Variants in TNF observed in about 807,000 individuals in gnomAD.
The protein encoded by TNF is APC1 protein.
A neutral mutation model predicts 21.8 loss-of-function variants in TNF; 7 were observed. The ratio of observed to expected loss-of-function variants is 0.32; its 90% CI spans 0.18 to 0.60. TNF has a LOEUF of 0.60. Ranked by LOEUF, TNF falls within the 20% of genes least tolerant of loss-of-function variation. The pLI, the probability that TNF is intolerant of heterozygous loss-of-function variation, is 0.84. For missense variants in TNF, 216 were observed against 296.6 expected, an observed-to-expected ratio of 0.73 and a Z score of 2.00; for synonymous variants, 123 against 130.2, an observed-to-expected ratio of 0.94 and a Z score of 0.38.
intron 1 of TNF, 105 bp from the exon 2 acceptor site, chr6:31,576,429 A>T: frequency 8.8e-7 from 1 of 1,132,366 alleles, no homozygotes; most frequent in Non-Finnish European, 1.3e-6. Flanking sequence ...TGGAGAGAGA[A>T]AACCAGACAC....
At chr6:31,576,078 A>G (rs1411068264) in intron 1 of TNF, 151 bp downstream of exon 1, 14 of 807,232 alleles carry the variant, frequency 1.7e-5, no homozygotes, top group Middle Eastern at 7.8e-4. Flanking sequence ...GCAGAAAGAG[A>G]TGTGGCAAGA....
intron 3 of TNF, 90 bp downstream of exon 3, chr6:31,576,904 T>C: frequency 2.0e-6 from 3 of 1,512,182 alleles, no homozygotes; most frequent in East Asian, 2.3e-5. Context: ...TTGGAGACAA[T>C]GTGAGAAGGA....
rs941582023 is a variant in TNF, at chr6:31,577,045, G to C, written c.281-71G>C. The C allele has an allele frequency of 2.0e-6, 3 of 1,534,992 alleles. No individual in the cohort carries two copies. The highest frequency in any genetic ancestry group is 2.5e-5 in the South Asian group (2 of 80,826). ...ACCGGATGTGGGGTGGGCAGAGCTC[G>C]AGGGCCAGGATGTGGAGAGTGAACC... On this transcript the variant is annotated intron_variant, in intron 3 of 3. Transcript: ENST00000449264. The surrounding 1 kb of genome is among the most constrained non-coding windows in gnomAD (Gnocchi z 7.7).
chr6:31,577,528 T>G lies in TNF; in HGVS notation c.693T>G (p.Ile231Met). 6.2e-7 allele frequency: 1 copy of G among 1,613,088 alleles called. No individual in the cohort carries two copies. Among genetic ancestry groups the G allele is most frequent in the Non-Finnish European group, 8.5e-7 (1 of 1,180,040 alleles). ...AESGQVYFGI[I>M]AL The stretch of plus-strand genomic sequence containing the variant: ...CTGGGCAGGTCTACTTTGGGATCAT[T>G]GCCCTGTGAGGAGGACGAACATCCA... The change falls in exon 4 of 4, where the codon ATT becomes ATG. Residue 231 changes from isoleucine to methionine, a missense_variant. By Grantham distance (10) the Ile-to-Met change is conservative (BLOSUM62 1). This residue lies in a region of TNF where 98 missense variants were observed against 169.6 expected (regional missense o/e 0.58). Coordinates refer to ENST00000449264, the MANE Select transcript of TNF (RefSeq NM_000594.4). The surrounding 1 kb of genome is among the most constrained non-coding windows in gnomAD (Gnocchi z 7.7).
In TNF at chr6:31,575,978, G is replaced by T; in HGVS notation, c.186+51G>T. 1 of 1,433,424 alleles carries T rather than the reference G, an allele frequency of 7.0e-7. No homozygotes were observed. The highest frequency in any genetic ancestry group is 2.6e-5 in the East Asian group (1 of 38,464). The allele number at this position is 1,433,424 out of a possible 1,614,324, so 88.8% of individuals were successfully genotyped here. ...ACTCTCCCACCCAAGGGGAAATGGA[G>T]ACGCAAGAGAGGGAGAGAGATGGGA... On this transcript the variant is annotated intron_variant, in intron 1 of 3. Transcript: ENST00000449264. The surrounding 1 kb of genome is among the most constrained non-coding windows in gnomAD (Gnocchi z 6.2).
intron 1 of TNF, among the ~76,000 whole-genome samples, chr6:31,576,296 G>A (rs1771178966): frequency 6.6e-6 from 1 of 152,056 alleles, no homozygotes. Context: ...GAAAGAGCGG[G>A]AAATATGACA....
chr6:31,577,944 C>T lies in TNF; in HGVS notation c.*407C>T, dbSNP rs888952488. 5.4e-5 allele frequency: 11 copies of T among 202,628 alleles called. No homozygotes were observed. Among genetic ancestry groups the T allele is most frequent in the African/African-American group, 1.6e-4 (7 of 43,178 alleles). 12.6% of individuals were successfully genotyped at this position (202,628 alleles called of 1,614,324 possible). ...GATGTTTCCAGACTTCCTTGAGACA[C>T]GGAGCCCAGCCCTCCCCATGGAGCC... is the stretch of plus-strand genomic sequence containing the variant. On this transcript the variant is annotated 3_prime_UTR_variant, in exon 4 of 4. Coordinates refer to ENST00000449264, the MANE Select transcript of TNF (RefSeq NM_000594.4). The surrounding 1 kb of genome is among the most constrained non-coding windows in gnomAD (Gnocchi z 7.7).
chr6:31,576,876 G>A, intron 3 of TNF, 62 bp downstream of exon 3: 1 of 1,579,200 alleles, frequency 6.3e-7, no homozygotes, highest in Non-Finnish European at 8.7e-7. Flanking sequence ...TTGAAGCCCG[G>A]CTGATGGTAG....
At position 31,577,130 on chromosome 6, in the gene TNF, G is replaced by A; in HGVS notation, c.295G>A (p.Glu99Lys). ...CCTCCCTCCAGCAAACCCTCAAGCT[G>A]AGGGGCAGCTCCAGTGGCTGAACCG... ...VAHVVANPQA[E>K]GQLQWLNRRA... is the part of the protein sequence containing the mutation. The change falls in exon 4 of 4, where the codon GAG becomes AAG. Residue 99 changes from glutamate to lysine, a missense_variant. Physicochemically the swap from Glu to Lys is moderately conservative, Grantham distance 56 (BLOSUM62 1). This residue lies in a region of TNF where 118 missense variants were observed against 127.1 expected (regional missense o/e 0.93). Coordinates refer to ENST00000449264, the MANE Select transcript of TNF (RefSeq NM_000594.4). This position sits in a 1 kb window ranked among gnomAD's most constrained non-coding sequence, Gnocchi z 7.7. 6.2e-7 allele frequency: 1 copy of A among 1,608,420 alleles called. No homozygotes were observed. Among genetic ancestry groups the A allele is most frequent in the Non-Finnish European group, 8.5e-7 (1 of 1,177,514 alleles).
At chr6:31,576,025 T>G in intron 1 of TNF, 98 bp downstream of exon 1, 1 of 1,269,816 alleles carries the variant, frequency 7.9e-7, no homozygotes, top group Non-Finnish European at 1.0e-6. Flanking sequence ...TGTGCGCTGA[T>G]AGGGAGGGAT....
At position 31,577,592 on chromosome 6, in the gene TNF, A is replaced by AC; in HGVS notation, c.*60dup. 6.2e-7 allele frequency: 1 copy of AC among 1,601,108 alleles called. No individual in the cohort carries two copies. The highest frequency in any genetic ancestry group is 8.5e-7 in the Non-Finnish European group (1 of 1,171,298). Reference sequence around the variant, plus strand: ...CCTCCCCTGCCCCAATCCCTTTATTACCCCCTCCTTCAGACACCCTCAACC... The same window carrying AC: ...CCTCCCCTGCCCCAATCCCTTTATTACCCCCCTCCTTCAGACACCCTCAACC... On this transcript the variant is annotated 3_prime_UTR_variant, in exon 4 of 4. Coordinates refer to ENST00000449264, the MANE Select transcript of TNF (RefSeq NM_000594.4). This position sits in a 1 kb window ranked among gnomAD's most constrained non-coding sequence, Gnocchi z 7.7.
In TNF at chr6:31,576,546, C is replaced by T; in HGVS notation, c.199C>T (p.Leu67Phe). The change falls in exon 2 of 4, where the codon CTC becomes TTC. Residue 67 changes from leucine to phenylalanine, a missense_variant. This residue lies in a region of TNF where 118 missense variants were observed against 127.1 expected (regional missense o/e 0.93). Coordinates refer to ENST00000449264, the MANE Select transcript of TNF (RefSeq NM_000594.4). ...GPQREEFPRD[L>F]SLISPLAQAV... Reference sequence around the variant, plus strand: ...TTCTCCCCAACAGTTCCCCAGGGACCTCTCTCTAATCAGCCCTCTGGCCCA... The same window carrying T: ...TTCTCCCCAACAGTTCCCCAGGGACTTCTCTCTAATCAGCCCTCTGGCCCA... 6.2e-7 allele frequency: 1 copy of T among 1,613,896 alleles called. No homozygotes were observed. Among genetic ancestry groups the T allele is most frequent in the Non-Finnish European group, 8.5e-7 (1 of 1,179,980 alleles).
At position 31,577,548 on chromosome 6, in the gene TNF, C is replaced by T. The variant is rs777492465; in HGVS notation, c.*11C>T. ...ATCATTGCCCTGTGAGGAGGACGAACATCCAACCTTCCCAAACGCCTCCCC... is the reference window on the plus strand; with the variant it reads ...ATCATTGCCCTGTGAGGAGGACGAATATCCAACCTTCCCAAACGCCTCCCC... On this transcript the variant is annotated 3_prime_UTR_variant, in exon 4 of 4. Transcript: ENST00000449264. This position sits in a 1 kb window ranked among gnomAD's most constrained non-coding sequence, Gnocchi z 7.7. The T allele has an allele frequency of 7.1e-5, 114 of 1,612,960 alleles. No individual in the cohort carries two copies. The highest frequency in any genetic ancestry group is 9.5e-5 in the Non-Finnish European group (112 of 1,180,038).
chr6:31,577,613 C>T lies in TNF; in HGVS notation c.*76C>T. On this transcript the variant is annotated 3_prime_UTR_variant, in exon 4 of 4. Transcript: ENST00000449264. This position sits in a 1 kb window ranked among gnomAD's most constrained non-coding sequence, Gnocchi z 7.7. The stretch of plus-strand genomic sequence containing the variant: ...TATTACCCCCTCCTTCAGACACCCT[C>T]AACCTCTTCTGGCTCAAAAAGAGAA... The T allele has an allele frequency of 6.4e-7, 1 of 1,566,598 alleles. No individual in the cohort carries two copies. Among genetic ancestry groups the T allele is most frequent in the Non-Finnish European group, 8.7e-7 (1 of 1,144,110 alleles).
chr6:31,577,538 G>C lies in TNF; in HGVS notation c.*1G>C. ...CTACTTTGGGATCATTGCCCTGTGA[G>C]GAGGACGAACATCCAACCTTCCCAA... is the stretch of plus-strand genomic sequence containing the variant. On this transcript the variant is annotated 3_prime_UTR_variant, in exon 4 of 4. Transcript: ENST00000449264. This position sits in a 1 kb window ranked among gnomAD's most constrained non-coding sequence, Gnocchi z 7.7. 6.2e-7 allele frequency: 1 copy of C among 1,613,074 alleles called. No individual in the cohort carries two copies. Among genetic ancestry groups the C allele is most frequent in the Non-Finnish European group, 8.5e-7 (1 of 1,180,032 alleles).
In TNF at chr6:31,577,415, A is replaced by G. The variant is rs1771238459; in HGVS notation, c.580A>G (p.Ile194Val). ...GAEAKPWYEP[I>V]YLGGVFQLEK... ...TGAGGCCAAGCCCTGGTATGAGCCC[A>G]TCTATCTGGGAGGGGTCTTCCAGCT... The change falls in exon 4 of 4, where the codon ATC (isoleucine) becomes GTC (valine). Residue 194 changes from isoleucine to valine, a missense_variant. Ile to Val is a conservative substitution (Grantham distance 29). Transcript: ENST00000449264. This position sits in a 1 kb window ranked among gnomAD's most constrained non-coding sequence, Gnocchi z 7.7. The G allele has an allele frequency of 6.8e-6, 11 of 1,613,116 alleles. No individual in the cohort carries two copies. The highest frequency in any genetic ancestry group is 9.3e-6 in the Non-Finnish European group (11 of 1,180,040).
At chr6:31,576,421 G>T in intron 1 of TNF, 113 bp from the exon 2 acceptor site, 1 of 1,015,490 alleles carries the variant, frequency 9.8e-7, no homozygotes. Flanking sequence ...CAGATGAATG[G>T]AGAGAGAAAA....
intron 1 of TNF, 93 bp downstream of exon 1, chr6:31,576,020 G>A (rs923759486): frequency 1.5e-5 from 20 of 1,321,524 alleles, no homozygotes; most frequent in South Asian, 3.5e-5. Context: ...AAAGATGTGC[G>A]CTGATAGGGA....
rs1054920809 is a variant in TNF at position 31,575,565 on chromosome 6, A to G, written c.-177A>G. On this transcript the variant is annotated 5_prime_UTR_variant, in exon 1 of 4. Coordinates refer to ENST00000449264, the MANE Select transcript of TNF (RefSeq NM_000594.4). The surrounding 1 kb of genome is among the most constrained non-coding windows in gnomAD (Gnocchi z 6.2). ...AAGGCAGTTGTTGGCACACCCAGCC[A>G]GCAGACGCTCCCTCAGCAAGGACAG... 3.3e-6 allele frequency: 2 copies of G among 602,322 alleles called. No homozygotes were observed. Among genetic ancestry groups the G allele is most frequent in the Non-Finnish European group, 5.7e-6 (2 of 347,962 alleles). 37.3% of individuals were successfully genotyped at this position (602,322 alleles called of 1,614,324 possible).
Sources: gnomAD v4.1 joint callset for allele counts (sites outside exome capture counted in the v4.1 genomes callset) on GRCh38, gnomAD v4.1.1 for gene constraint, gnomAD v4.1.1 regional missense constraint, Gnocchi (gnomAD v3.1) non-coding constraint, MANE v1.5 for transcripts, NCBI Gene and HGNC (gene_info 2026-07-23, HGNC 2026-07-21) for gene names.